ATAD1: variants seen among roughly 807,000 people sequenced by gnomAD.
ATAD1 encodes outer mitochondrial transmembrane helix translocase.
ATAD1 carries 18 observed loss-of-function variants against 42.7 expected under a neutral mutation model. The ratio of observed to expected loss-of-function variants is 0.42; its 90% CI spans 0.29 to 0.63. The LOEUF is 0.63. ATAD1 is among the 20% of genes least tolerant of loss of function. The pLI is 0.19. For missense variants in ATAD1, 294 were observed against 440.4 expected (o/e 0.67, Z 2.98); for synonymous variants, 132 against 143.1 (o/e 0.92, Z 0.55).
Position 87,792,670 on chromosome 10 carries a change from G to C in ATAD1, c.248C>G (p.Pro83Arg). 6.3e-7 allele frequency: 1 copy of C among 1,593,708 alleles called. No individual in the cohort carries two copies. The highest frequency in any genetic ancestry group is 1.4e-5 in the African/African-American group (1 of 73,928). Residue 83 changes from proline (P) to arginine (R), a missense_variant, in exon 3 of 10, where the codon CCT becomes CGT. Pro to Arg is a moderately radical substitution (Grantham distance 103, BLOSUM62 -2). Transcript: ENST00000680024. ...AAAGATACATACATGCATATTAAGA[G>C]GGTCTACAAGATGAGCAGCAATACT... is the stretch of plus-strand genomic sequence containing the variant. ...EMSIAAHLVD[P>R]LNMHVTWSDI... is the part of the protein sequence containing the mutation.
intron 6 of ATAD1, among the ~76,000 whole-genome samples, chr10:87,775,527 A>G (rs1855264992): frequency 6.6e-6 from 1 of 151,138 alleles, no homozygotes; most frequent in African/African-American, 2.4e-5. Context: ...AAAAAAAAAA[A>G]AAAAAAGGGA....
chr10:87,824,520 T>C (rs1202099064), intron 1 of ATAD1, among the ~76,000 whole-genome samples: 1 of 152,202 alleles, frequency 6.6e-6, no homozygotes, highest in East Asian at 1.9e-4. Context: ...TGCCATGGAC[T>C]TGCACTAAGA....
rs2131984788 is a variant in ATAD1, at chr10:87,799,433, T to C, written c.163-6678A>G. ...CAGTCTAGACCATAGTCAGTAAGGTTTGTTTTGGGAAAAGGCTGTTATTGC... is the reference window on the plus strand; with the variant it reads ...CAGTCTAGACCATAGTCAGTAAGGTCTGTTTTGGGAAAAGGCTGTTATTGC... On this transcript the variant is annotated intron_variant, in intron 2 of 9. Coordinates refer to ENST00000680024, the MANE Select transcript of ATAD1 (RefSeq NM_001321967.2). Among the ~76,000 whole-genome samples, 7 of 152,314 alleles carry C rather than the reference T, an allele frequency of 4.6e-5. No individual in the cohort carries two copies. The South Asian group carries it at 1.5e-3, about 32-fold the overall frequency.
chr10:87,780,296 G>C (rs1855505999), intron 5 of ATAD1, among the ~76,000 whole-genome samples: 1 of 152,162 alleles, frequency 6.6e-6, no homozygotes, highest in East Asian at 1.9e-4. Context: ...GCGGATGCTA[G>C]CAGTTTGGGA....
intron 8 of ATAD1, among the ~76,000 whole-genome samples, chr10:87,762,486 CAG>C (rs1854526362): frequency 6.7e-6 from 1 of 150,004 alleles, no homozygotes; most frequent in South Asian, 2.1e-4. Context: ...TTTTTTGAGA[CAG>C]AGTCTTACTC....
At position 87,810,842 on chromosome 10, in the gene ATAD1, G is replaced by A. The variant is rs539866674; in HGVS notation, c.162+3596C>T. ...GCCTTTTGGGGTTCTAGATTTATAGGAGTATCATCTATGAAACTACCTACT... is the reference window on the plus strand; with the variant it reads ...GCCTTTTGGGGTTCTAGATTTATAGAAGTATCATCTATGAAACTACCTACT... On this transcript the variant is annotated intron_variant, in intron 2 of 9. Transcript: ENST00000680024. Among the ~76,000 whole-genome samples, 237 of 152,116 alleles carry A rather than the reference G, an allele frequency of 1.6e-3. 1 individual carries two copies. The highest frequency in any genetic ancestry group is 5.4e-3 in the African/African-American group (225 of 41,488).
intron 3 of ATAD1, among the ~76,000 whole-genome samples, chr10:87,791,169 C>A (rs1420609621): frequency 1.4e-5 from 2 of 146,148 alleles, no homozygotes; most frequent in African/African-American, 2.6e-5. Context: ...CATGCCACTG[C>A]ACTCCATCCT....
intron 1 of ATAD1, among the ~76,000 whole-genome samples, chr10:87,828,521 A>G (rs572126088): frequency 2.0e-4 from 31 of 152,360 alleles, no homozygotes; most frequent in Admixed American, 7.2e-4. Context: ...GAAGGAAGCT[A>G]TCTTCATAAC....
intron 8 of ATAD1, among the ~76,000 whole-genome samples, chr10:87,762,823 C>A (rs1854545865): frequency 6.7e-6 from 1 of 150,146 alleles, no homozygotes; most frequent in African/African-American, 2.4e-5. Flanking sequence ...GTAATCCCAG[C>A]ACTTTAGGAG....
chr10:87,820,636 C>T (rs1216966918), upstream of ATAD1, among the ~76,000 whole-genome samples: 1 of 152,202 alleles, frequency 6.6e-6, no homozygotes, highest in Non-Finnish European at 1.5e-5. Flanking sequence ...AGTCACGAGG[C>T]TGACCATAAA....
At chr10:87,779,129 T>A (rs988232117) in intron 5 of ATAD1, among the ~76,000 whole-genome samples, 1 of 151,944 alleles carries the variant, frequency 6.6e-6, no homozygotes, top group Non-Finnish European at 1.5e-5. Flanking sequence ...TGAAACCTCA[T>A]CTCTACTAAA....
At chr10:87,833,664 T>G (rs1857875699) in intron 1 of ATAD1, among the ~76,000 whole-genome samples, 1 of 152,044 alleles carries the variant, frequency 6.6e-6, no homozygotes. Flanking sequence ...GAATTTTTTT[T>G]TTTTAATCTG....
upstream of ATAD1, among the ~76,000 whole-genome samples, chr10:87,821,839 TAAAC>T (rs1384267271): frequency 6.6e-6 from 1 of 152,200 alleles, no homozygotes; most frequent in East Asian, 1.9e-4. Flanking sequence ...AGTAAATCAG[TAAAC>T]AAACATCTGA....
intron 2 of ATAD1, among the ~76,000 whole-genome samples, chr10:87,811,424 C>G (rs1400894665): frequency 6.6e-6 from 1 of 152,106 alleles, no homozygotes; most frequent in Non-Finnish European, 1.5e-5. Context: ...AGTCTTGTTA[C>G]CCATACTGAC....
intron 1 of ATAD1, among the ~76,000 whole-genome samples, chr10:87,825,307 CCTT>C (rs1857704582): frequency 6.7e-6 from 1 of 148,730 alleles, no homozygotes; most frequent in African/African-American, 2.5e-5. Flanking sequence ...CAAATCTTAA[CCTT>C]TTTTTTTTTT....
At chr10:87,811,305 C>A (rs137872469) in intron 2 of ATAD1, among the ~76,000 whole-genome samples, 1 of 147,392 alleles carries the variant, frequency 6.8e-6, no homozygotes, top group East Asian at 2.0e-4. Context: ...TGCACTCCAG[C>A]CTGTGCAACA....
intron 8 of ATAD1, among the ~76,000 whole-genome samples, chr10:87,764,268 T>C (rs1402367330): frequency 2.0e-5 from 3 of 152,076 alleles, no homozygotes; most frequent in African/African-American, 7.2e-5. Context: ...GAGAGCAGCC[T>C]GGACAATATG....
At chr10:87,809,983 T>G (rs914432774) in intron 2 of ATAD1, among the ~76,000 whole-genome samples, 1 of 152,116 alleles carries the variant, frequency 6.6e-6, no homozygotes, top group East Asian at 1.9e-4. Flanking sequence ...AGGCCTTTTT[T>G]GTTCCAGGTA....
chr10:87,786,199 T>C (rs1855824153), intron 4 of ATAD1, among the ~76,000 whole-genome samples: 1 of 152,214 alleles, frequency 6.6e-6, no homozygotes, highest in Non-Finnish European at 1.5e-5. Context: ...TATAAAACTT[T>C]TATACACATG....
Sources: allele counts gnomAD v4.1 joint callset (sites outside exome capture counted in the v4.1 genomes callset), GRCh38; gene constraint gnomAD v4.1.1; transcripts MANE v1.5; gene names NCBI Gene and HGNC (gene_info 2026-07-23, HGNC 2026-07-21).